Variants in MACROD2 observed in about 807,000 individuals in gnomAD.
MACROD2 encodes the protein mono-ADP ribosylhydrolase 2.
In MACROD2, 36 loss-of-function variants were observed where a neutral mutation model predicts 70.4. That is an observed-to-expected ratio of 0.51 (90% confidence interval 0.39 to 0.68). MACROD2 has a LOEUF of 0.68. MACROD2 is among the 30% of genes least tolerant of loss of function. The pLI, the probability that MACROD2 is intolerant of heterozygous loss-of-function variation, is 0.00. For synonymous variants in MACROD2, 172 were observed against 178.8 expected (o/e 0.96, Z 0.30); for missense variants, 496 against 538.4 (o/e 0.92, Z 0.78).
intron 2 of MACROD2, among the ~76,000 whole-genome samples, chr20:14,079,340 G>A (rs1036620548): frequency 6.6e-6 from 1 of 152,206 alleles, no homozygotes; most frequent in African/African-American, 2.4e-5. Context: ...AAGCTGACGG[G>A]TTCATAAAAC....
At chr20:14,416,776 A>G (rs1296818929) in intron 3 of MACROD2, among the ~76,000 whole-genome samples, 1 of 152,208 alleles carries the variant, frequency 6.6e-6, no homozygotes, top group Non-Finnish European at 1.5e-5. Flanking sequence ...ATCCTAGGCT[A>G]TCCTGGAGTG....
intron 6 of MACROD2, among the ~76,000 whole-genome samples, chr20:15,386,947 C>CT (rs1555812170): frequency 3.3e-5 from 5 of 152,156 alleles, no homozygotes; most frequent in African/African-American, 9.7e-5. Context: ...TTTTCAAATC[C>CT]TTTTTTCCCC....
At chr20:14,001,858 G>C (rs1367092480) in intron 1 of MACROD2, among the ~76,000 whole-genome samples, 1 of 152,158 alleles carries the variant, frequency 6.6e-6, no homozygotes, top group African/African-American at 2.4e-5. Flanking sequence ...TCACTATCTT[G>C]AGGCTAGCAC....
intron 9 of MACROD2, among the ~76,000 whole-genome samples, chr20:15,877,447 A>T (rs966879538): frequency 6.6e-6 from 1 of 152,096 alleles, no homozygotes; most frequent in East Asian, 1.9e-4. Context: ...AAGGAAAAAA[A>T]AAAGTTCCCT....
At chr20:14,191,847 A>C (rs1288034522) in intron 3 of MACROD2, among the ~76,000 whole-genome samples, 1 of 152,242 alleles carries the variant, frequency 6.6e-6, no homozygotes, top group Non-Finnish European at 1.5e-5. Flanking sequence ...CAGATCATAT[A>C]GGGTCTTTTA....
intron 3 of MACROD2, among the ~76,000 whole-genome samples, chr20:14,396,842 G>A (rs1399296031): frequency 1.1e-4 from 16 of 145,266 alleles, no homozygotes; most frequent in African/African-American, 2.8e-4. Context: ...GGAGAATGGC[G>A]TCAACCCAGG....
chr20:15,040,003 C>T (rs1012537319), intron 5 of MACROD2, among the ~76,000 whole-genome samples: 1 of 151,994 alleles, frequency 6.6e-6, no homozygotes, highest in African/African-American at 2.4e-5. Flanking sequence ...CATTTATTAC[C>T]CCAAGATTTC....
intron 3 of MACROD2, among the ~76,000 whole-genome samples, chr20:14,389,396 T>C (rs943695594): frequency 2.0e-4 from 22 of 112,352 alleles, no homozygotes; most frequent in African/African-American, 7.9e-4. Context: ...CACTCTGACC[T>C]GGGCGACAGG....
At chr20:15,965,167 A>G (rs1247272257) in intron 12 of MACROD2, among the ~76,000 whole-genome samples, 2 of 152,218 alleles carry the variant, frequency 1.3e-5, no homozygotes, top group African/African-American at 4.8e-5. Context: ...ATAATAGTGC[A>G]AAGAACAACT....
At chr20:14,056,207 T>A (rs1429207382) in intron 2 of MACROD2, among the ~76,000 whole-genome samples, 2 of 152,118 alleles carry the variant, frequency 1.3e-5, no homozygotes, top group African/African-American at 2.4e-5. Flanking sequence ...TAGCAAACAC[T>A]TATGTATAGA....
At chr20:14,510,622 T>C (rs976040838) in intron 4 of MACROD2, among the ~76,000 whole-genome samples, 3 of 152,012 alleles carry the variant, frequency 2.0e-5, no homozygotes, top group African/African-American at 7.2e-5. Context: ...CATAATTGGA[T>C]TGTGTTTATG....
intron 7 of MACROD2, among the ~76,000 whole-genome samples, chr20:15,446,638 C>G (rs906990002): frequency 1.3e-5 from 2 of 152,186 alleles, no homozygotes; most frequent in African/African-American, 2.4e-5. Flanking sequence ...CATATAATTA[C>G]AGGAACCTGT....
At chr20:15,963,080 A>G (rs993212424) in intron 12 of MACROD2, among the ~76,000 whole-genome samples, 1 of 152,168 alleles carries the variant, frequency 6.6e-6, no homozygotes, top group Non-Finnish European at 1.5e-5. Context: ...TGCTCCACAT[A>G]ATAAGCCAGA....
intron 5 of MACROD2, among the ~76,000 whole-genome samples, chr20:15,036,256 C>G (rs1275550250): frequency 6.6e-6 from 1 of 152,128 alleles, no homozygotes; most frequent in Non-Finnish European, 1.5e-5. Flanking sequence ...GGAAAGAACA[C>G]TTGTAGAACT....
intron 3 of MACROD2, among the ~76,000 whole-genome samples, chr20:14,371,595 TA>T (rs1568581751): frequency 6.6e-6 from 1 of 152,210 alleles, no homozygotes; most frequent in Non-Finnish European, 1.5e-5. Flanking sequence ...AAATATAGAT[TA>T]TTTTTTAATA....
At chr20:14,289,382 CA>C (rs1191410434) in intron 3 of MACROD2, among the ~76,000 whole-genome samples, 6 of 152,226 alleles carry the variant, frequency 3.9e-5, no homozygotes, top group Admixed American at 3.9e-4. Flanking sequence ...GTAAATTGAA[CA>C]ATACAAAGGT....
intron 2 of MACROD2, among the ~76,000 whole-genome samples, chr20:14,004,012 G>T (rs1452582915): frequency 6.6e-6 from 1 of 152,242 alleles, no homozygotes; most frequent in Middle Eastern, 3.4e-3. Context: ...ATGGCTACAG[G>T]TCGAGTATCC....
intron 5 of MACROD2, among the ~76,000 whole-genome samples, chr20:14,936,819 C>T (rs892935211): frequency 2.0e-5 from 3 of 152,144 alleles, no homozygotes; most frequent in Non-Finnish European, 4.4e-5. Context: ...AATGAAAAAG[C>T]ATGTATTTCT....
chr20:14,024,524 G>C (rs543857172), intron 2 of MACROD2, among the ~76,000 whole-genome samples: 1 of 152,290 alleles, frequency 6.6e-6, no homozygotes, highest in Admixed American at 6.5e-5. Context: ...CTGTGGGTTT[G>C]TCATAAATAG....
Sources: allele counts gnomAD v4.1 joint callset (sites outside exome capture counted in the v4.1 genomes callset), GRCh38; gene constraint gnomAD v4.1.1; transcripts MANE v1.5; gene names NCBI Gene and HGNC (gene_info 2026-07-23, HGNC 2026-07-21).